Variants in IKZF2 observed in about 807,000 individuals in gnomAD.
The protein encoded by IKZF2 is IKAROS family zinc finger 2, also known as zinc finger protein Helios.
In IKZF2, 15 loss-of-function variants were observed where a neutral mutation model predicts 49.2. The ratio of observed to expected loss-of-function variants is 0.30; its 90% confidence interval spans 0.20 to 0.47. The LOEUF is 0.47. Ranked by LOEUF, IKZF2 falls within the 20% of genes least tolerant of loss-of-function variation. The pLI is 1.00. For missense variants in IKZF2, 567 were observed against 664.6 expected (o/e 0.85, Z 1.61); for synonymous variants, 227 against 221.4 (o/e 1.03, Z -0.23).
intron 4 of IKZF2, among the ~76,000 whole-genome samples, chr2:213,127,369 C>T (rs1265583943): frequency 2.0e-5 from 3 of 152,160 alleles, no homozygotes; most frequent in Non-Finnish European, 1.5e-5. Context: ...AACTATAAAA[C>T]TACATAGTTC....
chr2:213,104,215 G>A (rs1313333687), intron 4 of IKZF2, among the ~76,000 whole-genome samples: 1 of 149,178 alleles, frequency 6.7e-6, no homozygotes, highest in African/African-American at 2.5e-5. Context: ...TTTTGCTGTG[G>A]TTTTAAAGCT....
At chr2:213,138,515 T>G (rs1005112363) in intron 4 of IKZF2, among the ~76,000 whole-genome samples, 1 of 152,060 alleles carries the variant, frequency 6.6e-6, no homozygotes, top group African/African-American at 2.4e-5. Flanking sequence ...GCATACTATT[T>G]AAACAGACAT....
chr2:213,119,550 T>C (rs777122793), intron 4 of IKZF2, among the ~76,000 whole-genome samples: 28 of 152,224 alleles, frequency 1.8e-4, no homozygotes, highest in Non-Finnish European at 3.7e-4. Context: ...ACCACTGTTC[T>C]GTTGTTATTC....
At chr2:213,111,182 C>T (rs187422761) in intron 4 of IKZF2, among the ~76,000 whole-genome samples, 108 of 152,112 alleles carry the variant, frequency 7.1e-4, no homozygotes, top group African/African-American at 2.5e-3. Context: ...TTAAAAAGAG[C>T]TTCCCATAGT....
At chr2:213,131,885 C>A (rs1282119538) in intron 4 of IKZF2, among the ~76,000 whole-genome samples, 1 of 151,998 alleles carries the variant, frequency 6.6e-6, no homozygotes, top group Admixed American at 6.6e-5. Flanking sequence ...ATCAGATAAC[C>A]AACACATAGG....
At chr2:213,137,573 T>C (rs1400677525) in intron 4 of IKZF2, among the ~76,000 whole-genome samples, 2 of 152,050 alleles carry the variant, frequency 1.3e-5, no homozygotes, top group East Asian at 3.8e-4. Flanking sequence ...CCCTAAAAAC[T>C]ATAGAAATGC....
intron 2 of IKZF2, 142 bp downstream of exon 2, chr2:213,150,002 A>G (rs1228284212): frequency 2.8e-6 from 1 of 362,240 alleles, no homozygotes; most frequent in Non-Finnish European, 5.5e-6. Context: ...AAAAATGTAC[A>G]CATTTAACAC....
chr2:213,039,553 T>C (rs1699406339), intron 6 of IKZF2, among the ~76,000 whole-genome samples: 1 of 151,996 alleles, frequency 6.6e-6, no homozygotes, highest in South Asian at 2.1e-4. Context: ...GTTGTAAAAA[T>C]CAACATTCCT....
intron 4 of IKZF2, among the ~76,000 whole-genome samples, chr2:213,089,480 C>T (rs529257624): frequency 6.6e-6 from 1 of 152,278 alleles, no homozygotes; most frequent in Admixed American, 6.5e-5. Flanking sequence ...CCATACAGAT[C>T]TCTCCCCTCT....
chr2:213,061,261 A>C (rs1423927921), intron 4 of IKZF2, among the ~76,000 whole-genome samples: 1 of 151,688 alleles, frequency 6.6e-6, no homozygotes, highest in African/African-American at 2.4e-5. Flanking sequence ...CATAATAGTG[A>C]ATGGACAGTT....
rs565992156 is a variant in IKZF2 at position 213,097,281 on chromosome 2, T to C, written c.140-40182A>G. Reference sequence around the variant, plus strand: ...TAAATTGATATAAAATATTTCAAAATGTTTTATTAGTTAATAATCATATCT... The same window carrying C: ...TAAATTGATATAAAATATTTCAAAACGTTTTATTAGTTAATAATCATATCT... On this transcript the variant is annotated intron_variant, in intron 4 of 8. Coordinates refer to ENST00000434687, the MANE Select transcript of IKZF2 (RefSeq NM_001387220.1). 2.4e-3 allele frequency among the ~76,000 whole-genome samples: 371 copies of C among 152,078 alleles called. 3 individuals are homozygous for C. Among genetic ancestry groups the C allele is most frequent in the South Asian group, 0.013 (65 of 4,824 alleles).
intron 6 of IKZF2, among the ~76,000 whole-genome samples, chr2:213,022,729 T>C (rs550126607): frequency 1.3e-5 from 2 of 152,288 alleles, no homozygotes; most frequent in South Asian, 2.1e-4. Flanking sequence ...GGTAAGTATA[T>C]TCTCCCTCAT....
chr2:213,092,110 C>T (rs550140653), intron 4 of IKZF2, among the ~76,000 whole-genome samples: 8 of 152,240 alleles, frequency 5.3e-5, no homozygotes, highest in African/African-American at 1.9e-4. Context: ...ACTGCAGCAT[C>T]GACTTCCTGG....
At chr2:213,061,903 T>C (rs973796797) in intron 4 of IKZF2, among the ~76,000 whole-genome samples, 2 of 151,624 alleles carry the variant, frequency 1.3e-5, no homozygotes, top group African/African-American at 2.4e-5. Context: ...AATATATAAA[T>C]GTAAAAAGGC....
chr2:213,085,614 T>C (rs1704489998), intron 4 of IKZF2, among the ~76,000 whole-genome samples: 1 of 152,164 alleles, frequency 6.6e-6, no homozygotes, highest in South Asian at 2.1e-4. Flanking sequence ...AGAGTGGATA[T>C]CTACTCAGTG....
intron 4 of IKZF2, among the ~76,000 whole-genome samples, chr2:213,059,501 G>C (rs1396069500): frequency 6.6e-6 from 1 of 151,460 alleles, no homozygotes; most frequent in Non-Finnish European, 1.5e-5. Flanking sequence ...ATCCCATATA[G>C]TGTTATATTC....
intron 7 of IKZF2, among the ~76,000 whole-genome samples, chr2:213,018,644 A>C (rs924199534): frequency 4.6e-5 from 7 of 152,170 alleles, no homozygotes; most frequent in African/African-American, 1.7e-4. Flanking sequence ...TTACACAATG[A>C]AATTCAAACA....
intron 4 of IKZF2, among the ~76,000 whole-genome samples, chr2:213,058,919 T>A (rs1306988428): frequency 6.6e-6 from 1 of 151,918 alleles, no homozygotes; most frequent in Non-Finnish European, 1.5e-5. Flanking sequence ...ACCAGTATCA[T>A]AATTTTCAAA....
At chr2:213,128,686 G>C (rs2060352460) in intron 4 of IKZF2, among the ~76,000 whole-genome samples, 1 of 151,948 alleles carries the variant, frequency 6.6e-6, no homozygotes, top group African/African-American at 2.4e-5. Context: ...GGAGTACAGT[G>C]GCATGATCTC....
Sources: allele counts gnomAD v4.1 joint callset (sites outside exome capture counted in the v4.1 genomes callset), GRCh38; gene constraint gnomAD v4.1.1; transcripts MANE v1.5; gene names NCBI Gene and HGNC (gene_info 2026-07-23, HGNC 2026-07-21).